FAM83B: variants seen among roughly 807,000 people sequenced by gnomAD.
FAM83B encodes scaffolding CK1 anchoring protein B, also known as protein FAM83B.
A neutral mutation model predicts 38.8 loss-of-function variants in FAM83B; 26 were observed. The ratio of observed to expected loss-of-function variants is 0.67; its 90% CI spans 0.49 to 0.93. FAM83B has a LOEUF of 0.93. Among genes scored for constraint, FAM83B ranks in the 40% least tolerant of loss-of-function variants. The pLI, the probability that FAM83B is intolerant of heterozygous loss-of-function variation, is 0.00. For missense variants in FAM83B, 1,237 were observed against 1,197.3 expected, an observed-to-expected ratio of 1.03 and a Z score of -0.49; for synonymous variants, 419 against 423.1, an observed-to-expected ratio of 0.99 and a Z score of 0.12.
At chr6:54,864,233 G>A (rs1336308336) in intron 1 of FAM83B, among the ~76,000 whole-genome samples, 1 of 151,964 alleles carries the variant, frequency 6.6e-6, no homozygotes, top group African/African-American at 2.4e-5. Context: ...AACAAACCCT[G>A]GAATCATATT....
In FAM83B at chr6:54,941,344, A is replaced by C. The variant is rs777072357; in HGVS notation, c.2373A>C (p.Lys791Asn). ...LTPDKKENLS[K>N]NKAPAFYRLC... ...CAGATAAGAAAGAAAATCTATCCAA[A>C]AATAAAGCACCTGCCTTTTATAGAT... Residue 791 changes from lysine (K) to asparagine (N), a missense_variant, in exon 5 of 5, where the codon AAA becomes AAC. By Grantham distance (94) the Lys-to-Asn change is moderately conservative. Coordinates refer to ENST00000306858, the MANE Select transcript of FAM83B (RefSeq NM_001010872.3). The C allele has an allele frequency of 7.3e-5, 117 of 1,612,998 alleles. No individual in the cohort carries two copies. The highest frequency in any genetic ancestry group is 4.9e-4 in the Admixed American group (29 of 59,774).
At chr6:54,921,492 G>T (rs1773168298) in intron 2 of FAM83B, among the ~76,000 whole-genome samples, 1 of 151,982 alleles carries the variant, frequency 6.6e-6, no homozygotes, top group Admixed American at 6.6e-5. Context: ...TCTTAAAAAT[G>T]ACCTGGGGTA....
chr6:54,870,925 T>G (rs1185949262), intron 2 of FAM83B, among the ~76,000 whole-genome samples: 1 of 152,174 alleles, frequency 6.6e-6, no homozygotes, highest in Non-Finnish European at 1.5e-5. Flanking sequence ...TTCTTAATAA[T>G]GTACTCAGGA....
At chr6:54,885,630 C>A (rs192719524) in intron 2 of FAM83B, among the ~76,000 whole-genome samples, 1 of 152,162 alleles carries the variant, frequency 6.6e-6, no homozygotes, top group East Asian at 1.9e-4. Context: ...ACCTTGGGTA[C>A]GTGTTCCATT....
rs41271308 is a variant in FAM83B at position 54,942,040 on chromosome 6, T to C, written c.*33T>C. 3.5e-5 allele frequency: 54 copies of C among 1,555,694 alleles called. No homozygotes were observed. The highest frequency in any genetic ancestry group is 4.5e-5 in the Non-Finnish European group (52 of 1,154,898). ...AATGCAAAATGAATGAGGCTATCAA[T>C]ATTTGTCCAAAGAAAATTGTGGACA... On this transcript the variant is annotated 3_prime_UTR_variant, in exon 5 of 5. Transcript: ENST00000306858.
At chr6:54,932,595 C>T (rs1373507822) in intron 4 of FAM83B, among the ~76,000 whole-genome samples, 1 of 152,146 alleles carries the variant, frequency 6.6e-6, no homozygotes, top group Non-Finnish European at 1.5e-5. Flanking sequence ...CTTTGTGTTG[C>T]TCTCTACCAT....
At chr6:54,875,774 G>A (rs947248240) in intron 2 of FAM83B, among the ~76,000 whole-genome samples, 2 of 151,838 alleles carry the variant, frequency 1.3e-5, no homozygotes, top group African/African-American at 4.8e-5. Flanking sequence ...GTGGGAAAGA[G>A]ACAGGAGAGG....
intron 2 of FAM83B, among the ~76,000 whole-genome samples, chr6:54,883,609 TACAGGCGTGAGCCACCGC>T (rs1772194343): frequency 6.6e-6 from 1 of 152,032 alleles, no homozygotes. Context: ...GTGCTGGGAT[TACAGGCGTGAGCCACCGC>T]ACCTGGCCGA....
In FAM83B at chr6:54,944,529, G is replaced by C. The variant is rs138949678; in HGVS notation, c.*2522G>C. On this transcript the variant is annotated 3_prime_UTR_variant, in exon 5 of 5. Coordinates refer to ENST00000306858, the MANE Select transcript of FAM83B (RefSeq NM_001010872.3). ...TGGGATTAGCCATAATTCTGACATGGTGTGTTCAGGTATGGGTATATGTTG... is the reference window on the plus strand; with the variant it reads ...TGGGATTAGCCATAATTCTGACATGCTGTGTTCAGGTATGGGTATATGTTG... The C allele has an allele frequency of 6.6e-6, 1 of 152,268 alleles. No homozygotes were observed. Among genetic ancestry groups the C allele is most frequent in the African/African-American group, 2.4e-5 (1 of 41,548 alleles). 9.4% of individuals were successfully genotyped at this position (152,268 alleles called of 1,614,324 possible). A position where few individuals can be genotyped will look rare whatever the true frequency, so the allele number is the denominator to read the frequency against.
rs781279368 is a variant in FAM83B, at chr6:54,942,038, A to G, written c.*31A>G. ...AAAATGCAAAATGAATGAGGCTATC[A>G]ATATTTGTCCAAAGAAAATTGTGGA... On this transcript the variant is annotated 3_prime_UTR_variant, in exon 5 of 5. Coordinates refer to ENST00000306858, the MANE Select transcript of FAM83B (RefSeq NM_001010872.3). 1.9e-6 allele frequency: 3 copies of G among 1,559,808 alleles called. No homozygotes were observed. The highest frequency in any genetic ancestry group is 2.5e-5 in the South Asian group (2 of 80,490).
At chr6:54,868,788 A>G (rs532544279) in intron 1 of FAM83B, among the ~76,000 whole-genome samples, 1 of 152,290 alleles carries the variant, frequency 6.6e-6, no homozygotes, top group South Asian at 2.1e-4. Context: ...GACAGAAAAG[A>G]ACATGTTCTA....
chr6:54,910,593 G>GT (rs1327380330), intron 2 of FAM83B, among the ~76,000 whole-genome samples: 2 of 152,174 alleles, frequency 1.3e-5, no homozygotes, highest in South Asian at 2.1e-4. Context: ...TTGCTTGCTT[G>GT]TTTTTTCTCT....
At chr6:54,925,153 T>G (rs1773259410) in intron 2 of FAM83B, among the ~76,000 whole-genome samples, 2 of 152,276 alleles carry the variant, frequency 1.3e-5, no homozygotes, top group African/African-American at 4.8e-5. Flanking sequence ...ATGTGGATAA[T>G]GTCATTTCCT....
upstream of FAM83B, chr6:54,846,673 C>G (rs10948862): frequency 6.6e-6 from 1 of 151,948 alleles, no homozygotes; most frequent in Non-Finnish European, 1.5e-5. Flanking sequence ...AGGCGCGGTT[C>G]GAGCCGGAAT....
intron 4 of FAM83B, among the ~76,000 whole-genome samples, chr6:54,928,883 G>A (rs1381504492): frequency 6.6e-6 from 1 of 152,094 alleles, no homozygotes; most frequent in Non-Finnish European, 1.5e-5. Context: ...AGTTGCTAGT[G>A]TTGCAATGAC....
At chr6:54,924,628 G>A (rs573632981) in intron 2 of FAM83B, among the ~76,000 whole-genome samples, 3 of 151,670 alleles carry the variant, frequency 2.0e-5, no homozygotes, top group Non-Finnish European at 4.4e-5. Context: ...CCTTTGCTGG[G>A]AATTTTTCTG....
intron 2 of FAM83B, among the ~76,000 whole-genome samples, chr6:54,917,877 A>T (rs942543100): frequency 5.9e-5 from 9 of 152,118 alleles, no homozygotes; most frequent in African/African-American, 2.2e-4. Context: ...CCTCTCTCTA[A>T]CTCTTGTTAA....
chr6:54,878,184 T>C (rs1374998216), intron 2 of FAM83B, among the ~76,000 whole-genome samples: 3 of 152,320 alleles, frequency 2.0e-5, no homozygotes, highest in African/African-American at 7.2e-5. Context: ...AATCAGTAAG[T>C]CTTTGGCCAA....
At chr6:54,884,216 C>T (rs145671797) in intron 2 of FAM83B, among the ~76,000 whole-genome samples, 93 of 145,662 alleles carry the variant, frequency 6.4e-4, no homozygotes, top group Admixed American at 1.4e-3. Context: ...GCAGGAGACT[C>T]GCTTGAATCT....
Sources: gnomAD v4.1 joint callset for allele counts (sites outside exome capture counted in the v4.1 genomes callset) on GRCh38, gnomAD v4.1.1 for gene constraint, MANE v1.5 for transcripts, NCBI Gene and HGNC (gene_info 2026-07-23, HGNC 2026-07-21) for gene names.